PGD: variants seen among roughly 807,000 people sequenced by gnomAD.
PGD encodes the protein 6-phosphogluconate dehydrogenase, decarboxylating.
PGD carries 21 observed loss-of-function variants against 60.4 expected under a neutral mutation model. The observed-to-expected ratio is 0.35, with a 90% CI of 0.25 to 0.50. The LOEUF is 0.50. Among genes scored for constraint, PGD ranks in the 20% least tolerant of loss-of-function variants. PGD has a pLI of 0.98. For missense variants in PGD, 477 were observed against 613.1 expected, an observed-to-expected ratio of 0.78 and a Z score of 2.34; for synonymous variants, 230 against 235.9, an observed-to-expected ratio of 0.97 and a Z score of 0.23.
chr1:10,403,987 T>C (rs922700949), intron 4 of PGD, among the ~76,000 whole-genome samples, 174 bp from the exon 5 acceptor site: 1 of 152,238 alleles, frequency 6.6e-6, no homozygotes, highest in African/African-American at 2.4e-5. Context: ...GGATTAACTT[T>C]CCTGAGTCAT....
At chr1:10,411,232 T>C (rs182019489) in intron 6 of PGD, among the ~76,000 whole-genome samples, 186 bp from the exon 7 acceptor site, 3 of 152,322 alleles carry the variant, frequency 2.0e-5, no homozygotes, top group Admixed American at 2.0e-4. Flanking sequence ...AATATTGTAC[T>C]GGACTGAAGC....
At chr1:10,417,832 C>T (rs1194355937) in intron 10 of PGD, among the ~76,000 whole-genome samples, 1 of 152,104 alleles carries the variant, frequency 6.6e-6, no homozygotes, top group Admixed American at 6.5e-5. Context: ...GCCTCAGCGT[C>T]CTAAGTAACT....
chr1:10,400,347 G>T, intron 2 of PGD, 46 bp from the exon 3 acceptor site: 2 of 1,432,876 alleles, frequency 1.4e-6, no homozygotes, highest in Non-Finnish European at 1.9e-6. Flanking sequence ...CAGTCTGAAA[G>T]TCTTGTGTGT....
At chr1:10,405,420 A>ACACACACC (rs1323875812) in intron 5 of PGD, among the ~76,000 whole-genome samples, 3 of 150,346 alleles carry the variant, frequency 2.0e-5, no homozygotes, top group African/African-American at 7.3e-5. Flanking sequence ...ACACACACAC[A>ACACACACC]CACACATATA....
chr1:10,408,450 G>A (rs1639444588), intron 6 of PGD, among the ~76,000 whole-genome samples: 1 of 152,148 alleles, frequency 6.6e-6, no homozygotes. Context: ...ATTATTTCAT[G>A]GCCAAAGGAA....
intron 3 of PGD, among the ~76,000 whole-genome samples, chr1:10,401,247 A>G (rs1246929466): frequency 1.3e-5 from 2 of 152,246 alleles, no homozygotes; most frequent in Non-Finnish European, 2.9e-5. Flanking sequence ...AATCCTAGGG[A>G]ACTGGATGCT....
At chr1:10,417,739 C>T (rs575493712) in intron 10 of PGD, among the ~76,000 whole-genome samples, 3 of 152,118 alleles carry the variant, frequency 2.0e-5, no homozygotes, top group South Asian at 4.2e-4. Flanking sequence ...GACCAAGTTT[C>T]GCTCTTATTG....
At chr1:10,409,497 G>C (rs1162195310) in intron 6 of PGD, among the ~76,000 whole-genome samples, 2 of 152,000 alleles carry the variant, frequency 1.3e-5, no homozygotes, top group Non-Finnish European at 1.5e-5. Context: ...TTATAATCCA[G>C]TATTTTGGGA....
Position 10,419,851 on chromosome 1 carries a change from T to C in PGD, c.*102T>C. ...CTTTGCCCTATTTTCTGTTCAGTTT[T>C]TTAAAAGTGTTGTAAGAGACTCCTG... On this transcript the variant is annotated 3_prime_UTR_variant, in exon 13 of 13. Transcript: ENST00000270776. 7.2e-7 allele frequency: 1 copy of C among 1,397,866 alleles called. No individual in the cohort carries two copies. The highest frequency in any genetic ancestry group is 2.3e-5 in the East Asian group (1 of 43,652). 86.6% of individuals were successfully genotyped at this position (1,397,866 alleles called of 1,614,324 possible).
At chr1:10,412,894 A>C in intron 7 of PGD, 168 bp from the exon 8 acceptor site, 1 of 590,842 alleles carries the variant, frequency 1.7e-6, no homozygotes, top group East Asian at 2.8e-5. Context: ...AACACAACTG[A>C]CTCTGGGTTA....
rs929357145 is a variant in PGD at position 10,420,360 on chromosome 1, C to T, written c.*611C>T. The stretch of plus-strand genomic sequence containing the variant: ...TCCAATTGGGCAATGGGTACATGGA[C>T]GTTCACTGTAACGTGCTTTTTCTTT... On this transcript the variant is annotated 3_prime_UTR_variant, in exon 13 of 13. Transcript: ENST00000270776. Among the ~76,000 whole-genome samples, 1 of 145,454 alleles carries T rather than the reference C, an allele frequency of 6.9e-6. No individual in the cohort carries two copies. The highest frequency in any genetic ancestry group is 1.5e-5 in the Non-Finnish European group (1 of 66,932).
At chr1:10,413,775 C>CGT (rs934513513) in intron 8 of PGD, among the ~76,000 whole-genome samples, 173 of 152,188 alleles carry the variant, frequency 1.1e-3, no homozygotes, top group African/African-American at 3.9e-3. Flanking sequence ...TGTGGTGGCA[C>CGT]GTGCCTGTAG....
chr1:10,416,991 A>C lies in PGD; in HGVS notation c.849A>C (p.Glu283Asp). The change falls in exon 9 of 13, where the codon GAA becomes GAC. Residue 283 changes from glutamate (E) to aspartate (D), a missense_variant. This residue lies in a region of PGD where 431 missense variants were observed against 556.6 expected (regional missense o/e 0.77). Transcript: ENST00000270776. The stretch of plus-strand genomic sequence containing the variant: ...CTTCCCGATCTCCCCATGTAGGAGA[A>C]GCTGTCTTTGCTCGGTGCTTATCAT... Reference protein sequence around the residue: ...EYGVPVTLIGEAVFARCLSSL... With the variant: ...EYGVPVTLIGDAVFARCLSSL... 3 of 1,613,462 alleles carry C rather than the reference A, an allele frequency of 1.9e-6. No homozygotes were observed. The highest frequency in any genetic ancestry group is 2.5e-6 in the Non-Finnish European group (3 of 1,179,524).
intron 7 of PGD, among the ~76,000 whole-genome samples, chr1:10,411,779 G>C (rs749527678): frequency 4.6e-5 from 7 of 152,198 alleles, no homozygotes; most frequent in East Asian, 1.9e-4. Context: ...ACCATTTAGC[G>C]TAGCTTACCT....
At chr1:10,414,378 GTT>G (rs1448277584) in intron 8 of PGD, among the ~76,000 whole-genome samples, 5 of 151,854 alleles carry the variant, frequency 3.3e-5, no homozygotes, top group South Asian at 4.2e-4. Context: ...TTTTCAGTGT[GTT>G]TGTTTGTTTT....
intron 8 of PGD, among the ~76,000 whole-genome samples, chr1:10,413,796 T>G (rs2124207868): frequency 6.6e-6 from 1 of 151,998 alleles, no homozygotes; most frequent in South Asian, 2.1e-4. Context: ...TCCCAGCCAC[T>G]CAGGAGGCTG....
At position 10,419,950 on chromosome 1, in the gene PGD, T is replaced by C. The variant is rs887988577; in HGVS notation, c.*201T>C. The C allele has an allele frequency of 1.0e-5, 6 of 596,344 alleles. No homozygotes were observed. Among genetic ancestry groups the C allele is most frequent in the Middle Eastern group, 4.7e-4 (1 of 2,138 alleles). 36.9% of individuals were successfully genotyped at this position (596,344 alleles called of 1,614,324 possible). A position where few individuals can be genotyped will look rare whatever the true frequency, so the allele number is the denominator to read the frequency against. On this transcript the variant is annotated 3_prime_UTR_variant, in exon 13 of 13. Transcript: ENST00000270776. ...GCCCTCTGCCCTTGCCTCTTGGGAC[T>C]GACCAGGAGCTGCTCATGTGCGTGA...
At position 10,409,065 on chromosome 1, in the gene PGD, A is replaced by G. The variant is rs143261081; in HGVS notation, c.519+925A>G. Among the ~76,000 whole-genome samples the G allele has an allele frequency of 1.4e-4, 22 of 152,330 alleles. No homozygotes were observed. The East Asian group carries it at 3.9e-3, about 27-fold the overall frequency. On this transcript the variant is annotated intron_variant, in intron 6 of 12. Transcript: ENST00000270776. Reference sequence around the variant, plus strand: ...CAAGCCACGTCCCTTCATGGACTTCAGTTTCCTTATCTGTAAGATATGGGG... The same window carrying G: ...CAAGCCACGTCCCTTCATGGACTTCGGTTTCCTTATCTGTAAGATATGGGG...
rs151263081 is a variant in PGD, at chr1:10,399,704, G to A, written c.84G>A (p.Val28=). ...TGAACATGAATGACCACGGCTTTGT[G>A]GTAAGCGGCGTGGGCGCGTTGTCTT... ...LILNMNDHGF[V]VCAFNRTVSK... The change falls in exon 2 of 13, where the codon GTG becomes GTA. Residue 28 remains valine (V), a splice_region_variant and synonymous_variant. Coordinates refer to ENST00000270776, the MANE Select transcript of PGD (RefSeq NM_002631.4). The A allele has an allele frequency of 4.2e-5, 68 of 1,613,996 alleles. No homozygotes were observed. In the African/African-American group the frequency reaches 6.5e-4, roughly 15 times the overall value.
Sources: allele counts gnomAD v4.1 joint callset (sites outside exome capture counted in the v4.1 genomes callset), GRCh38; gene constraint gnomAD v4.1.1; regional missense constraint gnomAD v4.1.1; transcripts MANE v1.5; gene names NCBI Gene and HGNC (gene_info 2026-07-23, HGNC 2026-07-21).